Variants in NCKAP5 observed in about 807,000 individuals in gnomAD.
NCKAP5 encodes NCK associated protein 5.
NCKAP5 carries 92 observed loss-of-function variants against 167.0 expected under a neutral mutation model. That is an observed-to-expected ratio of 0.55 (90% CI 0.47 to 0.66). NCKAP5 has a LOEUF of 0.66. NCKAP5 is among the 30% of genes least tolerant of loss of function. The pLI, the probability that NCKAP5 is intolerant of heterozygous loss-of-function variation, is 0.00. For synonymous variants in NCKAP5, 891 were observed against 877.4 expected, an observed-to-expected ratio of 1.02 and a Z score of -0.27; for missense variants, 2,378 against 2,315.0, an observed-to-expected ratio of 1.03 and a Z score of -0.56.
At chr2:133,169,689 C>T (rs1430227626) in intron 5 of NCKAP5, among the ~76,000 whole-genome samples, 2 of 152,132 alleles carry the variant, frequency 1.3e-5, no homozygotes, top group Non-Finnish European at 1.5e-5. Flanking sequence ...AGCCCACACC[C>T]GCACACACAT....
At chr2:133,594,149 A>T in the NCKAP5 span, among the ~76,000 whole-genome samples, 1 of 152,244 alleles carries the variant, frequency 6.6e-6, no homozygotes, top group Non-Finnish European at 1.5e-5. Context: ...AGTCAATGAA[A>T]GTGATGAATT....
At chr2:133,063,071 C>T (rs889684605) in intron 6 of NCKAP5, among the ~76,000 whole-genome samples, 4 of 152,140 alleles carry the variant, frequency 2.6e-5, no homozygotes, top group African/African-American at 7.2e-5. Flanking sequence ...AAGGCACTAG[C>T]TGTACATATT....
At chr2:133,477,793 A>G (rs888695955) in intron 3 of NCKAP5, among the ~76,000 whole-genome samples, 1 of 152,158 alleles carries the variant, frequency 6.6e-6, no homozygotes, top group Non-Finnish European at 1.5e-5. Flanking sequence ...TGTGTGGCAT[A>G]TTCAGTGTGG....
intron 3 of NCKAP5, among the ~76,000 whole-genome samples, chr2:133,443,054 T>G (rs1690956581): frequency 1.3e-5 from 2 of 152,260 alleles, no homozygotes; most frequent in African/African-American, 4.8e-5. Flanking sequence ...GCATTTCTTT[T>G]TATACTTATT....
intron 6 of NCKAP5, among the ~76,000 whole-genome samples, chr2:133,115,822 T>TCACACA (rs141741244): frequency 0.019 from 2,309 of 122,946 alleles, 99 homozygotes; most frequent in African/African-American, 0.064. Flanking sequence ...TATATAGTGT[T>TCACACA]CACACACACA....
At chr2:132,720,071 T>A (rs568823525) in intron 19 of NCKAP5, among the ~76,000 whole-genome samples, 1 of 152,282 alleles carries the variant, frequency 6.6e-6, no homozygotes, top group Admixed American at 6.5e-5. Context: ...TCTCCCTTCA[T>A]CCGGAGATTG....
chr2:133,237,262 A>G (rs951900551), intron 4 of NCKAP5, among the ~76,000 whole-genome samples: 1 of 152,204 alleles, frequency 6.6e-6, no homozygotes, highest in Admixed American at 6.5e-5. Context: ...GTGTACAAGT[A>G]TAACAAAGTA....
At chr2:132,873,064 T>C (rs1690956809) in intron 9 of NCKAP5, among the ~76,000 whole-genome samples, 1 of 152,188 alleles carries the variant, frequency 6.6e-6, no homozygotes, top group Non-Finnish European at 1.5e-5. Context: ...TCGGAAAATA[T>C]AATGCATGTT....
chr2:133,463,115 G>A (rs1692307898), intron 3 of NCKAP5, among the ~76,000 whole-genome samples: 1 of 152,186 alleles, frequency 6.6e-6, no homozygotes, highest in Non-Finnish European at 1.5e-5. Context: ...ATTATTAATA[G>A]TCACAGGGTA....
chr2:132,899,857 A>T (rs1245341969), intron 8 of NCKAP5, among the ~76,000 whole-genome samples: 1 of 152,176 alleles, frequency 6.6e-6, no homozygotes, highest in African/African-American at 2.4e-5. Flanking sequence ...CCTGGGTGAA[A>T]AAGTGAGACT....
chr2:133,267,747 GA>G (rs2150398035), intron 4 of NCKAP5, among the ~76,000 whole-genome samples: 2 of 152,116 alleles, frequency 1.3e-5, no homozygotes, highest in South Asian at 4.2e-4. Context: ...TTTCCAAGCA[GA>G]AATTGCTCCA....
intron 16 of NCKAP5, among the ~76,000 whole-genome samples, chr2:132,766,657 A>C (rs1489988929): frequency 6.6e-6 from 1 of 152,226 alleles, no homozygotes; most frequent in Non-Finnish European, 1.5e-5. Context: ...AAGCACCTAG[A>C]TCTTGGGTCT....
intron 8 of NCKAP5, among the ~76,000 whole-genome samples, chr2:132,922,429 C>T (rs1695514372): frequency 6.6e-6 from 1 of 152,102 alleles, no homozygotes; most frequent in South Asian, 2.1e-4. Context: ...TCATGCAATT[C>T]CTCTCCCCTG....
the NCKAP5 span, among the ~76,000 whole-genome samples, chr2:133,594,939 A>G: frequency 6.6e-6 from 1 of 152,196 alleles, no homozygotes; most frequent in Admixed American, 6.5e-5. Flanking sequence ...AAGTTAAATG[A>G]GACAACATCC....
chr2:133,313,513 G>GT (rs1681395631), intron 3 of NCKAP5, among the ~76,000 whole-genome samples: 1 of 152,058 alleles, frequency 6.6e-6, no homozygotes, highest in Non-Finnish European at 1.5e-5. Flanking sequence ...CAGCAAAATA[G>GT]TAACTATTGT....
intron 5 of NCKAP5, among the ~76,000 whole-genome samples, chr2:133,180,855 A>G (rs1336480819): frequency 6.6e-6 from 1 of 152,172 alleles, no homozygotes; most frequent in Non-Finnish European, 1.5e-5. Context: ...AAGCTTCTAC[A>G]CAGCAAAGGA....
At chr2:132,758,853 C>T (rs1680771619) in intron 16 of NCKAP5, among the ~76,000 whole-genome samples, 2 of 152,142 alleles carry the variant, frequency 1.3e-5, no homozygotes, top group Non-Finnish European at 2.9e-5. Context: ...TTACAAAATA[C>T]ACTTCAAATA....
rs140616214 is a variant in NCKAP5, at chr2:132,684,485, G to A, written c.5714-11180C>T. On this transcript the variant is annotated intron_variant, in intron 19 of 19. Transcript: ENST00000409261. ...TATTGATCGCCCAGCCTTTCCAGCT[G>A]TCCTTTTAAAATTCAGTATCTTTAT... 4.9e-3 allele frequency among the ~76,000 whole-genome samples: 740 copies of A among 152,282 alleles called. 4 individuals are homozygous for A. Among genetic ancestry groups the A allele is most frequent in the African/African-American group, 0.017 (706 of 41,566 alleles).
At chr2:132,964,806 T>C (rs569978465) in intron 7 of NCKAP5, among the ~76,000 whole-genome samples, 34 of 152,148 alleles carry the variant, frequency 2.2e-4, no homozygotes, top group Non-Finnish European at 4.4e-4. Context: ...CTAAGATCTA[T>C]TTGCAAATAC....
Sources: gnomAD v4.1 joint callset for allele counts (sites outside exome capture counted in the v4.1 genomes callset) on GRCh38, gnomAD v4.1.1 for gene constraint, MANE v1.5 for transcripts, NCBI Gene and HGNC (gene_info 2026-07-23, HGNC 2026-07-21) for gene names.